The following ADD3 variants were observed in gnomAD, a reference collection of about 807,000 sequenced individuals.
ADD3 encodes the protein adducin 3.
ADD3 carries 25 observed loss-of-function variants against 80.2 expected under a neutral mutation model. The observed-to-expected ratio is 0.31, with a 90% CI of 0.23 to 0.44. The LOEUF (loss-of-function observed/expected upper bound fraction) is 0.44, where lower values mean the gene tolerates loss of function less well. Ranked by LOEUF, ADD3 falls within the 20% of genes least tolerant of loss-of-function variation. The probability of loss-of-function intolerance (pLI) is 1.00; values close to 1 mark genes in which losing one functional copy is unlikely to be tolerated. For synonymous variants in ADD3, 284 were observed against 289.6 expected (o/e 0.98, Z 0.20); for missense variants, 829 against 847.5 (o/e 0.98, Z 0.27).
chr10:110,128,517 C>T (rs545682595), intron 12 of ADD3, among the ~76,000 whole-genome samples: 21 of 152,020 alleles, frequency 1.4e-4, no homozygotes, highest in Non-Finnish European at 2.4e-4. Context: ...CCTGGGTGCA[C>T]GCCATTCTCT....
chr10:109,999,642 TGTA>T (rs1167253564), intron 1 of ADD3, among the ~76,000 whole-genome samples: 1 of 152,228 alleles, frequency 6.6e-6, no homozygotes, highest in African/African-American at 2.4e-5. Flanking sequence ...CATGATTAAA[TGTA>T]GTATAAACTT....
intron 1 of ADD3, among the ~76,000 whole-genome samples, chr10:110,013,168 C>A (rs1199928292): frequency 1.3e-5 from 2 of 152,042 alleles, no homozygotes; most frequent in Non-Finnish European, 2.9e-5. Flanking sequence ...AGTGGTGTGA[C>A]CTCGGCACAC....
intron 1 of ADD3, among the ~76,000 whole-genome samples, chr10:110,099,380 A>G (rs528206973): frequency 4.0e-4 from 61 of 152,290 alleles, no homozygotes; most frequent in Non-Finnish European, 7.8e-4. Context: ...TTCATTCTCA[A>G]TTAACATTTC....
At chr10:109,998,888 C>T (rs917825543) in intron 1 of ADD3, among the ~76,000 whole-genome samples, 2 of 151,688 alleles carry the variant, frequency 1.3e-5, no homozygotes, top group South Asian at 4.2e-4. Flanking sequence ...TTCTTCTTAG[C>T]CTTTAGCATC....
chr10:109,999,052 A>G (rs1161357717), intron 1 of ADD3, among the ~76,000 whole-genome samples: 2 of 152,202 alleles, frequency 1.3e-5, no homozygotes, highest in African/African-American at 4.8e-5. Flanking sequence ...CAGGAGTTCA[A>G]CAAATACTGT....
intron 1 of ADD3, among the ~76,000 whole-genome samples, chr10:109,997,291 C>T (rs1851399593): frequency 1.3e-5 from 2 of 152,144 alleles, no homozygotes; most frequent in Non-Finnish European, 2.9e-5. Flanking sequence ...ATGGGGTCAG[C>T]CCCTATCTCA....
intron 8 of ADD3, among the ~76,000 whole-genome samples, chr10:110,120,882 A>G (rs1851409043): frequency 6.6e-6 from 1 of 152,148 alleles, no homozygotes; most frequent in African/African-American, 2.4e-5. Context: ...CAAACCTGAG[A>G]AAAACAAGCA....
intron 3 of ADD3, 99 bp from the exon 4 acceptor site, chr10:110,116,160 G>A: frequency 8.8e-7 from 1 of 1,131,326 alleles, no homozygotes. Context: ...TTATATACAA[G>A]GCTGGGATAC....
At chr10:110,047,823 A>G in intron 1 of ADD3, among the ~76,000 whole-genome samples, 1 of 152,224 alleles carries the variant, frequency 6.6e-6, no homozygotes, top group East Asian at 1.9e-4. Context: ...ATATCTTGGG[A>G]GTGTCTTCAG....
chr10:110,088,627 G>C (rs1366247989), intron 1 of ADD3, among the ~76,000 whole-genome samples: 2 of 152,172 alleles, frequency 1.3e-5, no homozygotes. Flanking sequence ...GTTGCCTACA[G>C]TTTTTGGATT....
intron 1 of ADD3, among the ~76,000 whole-genome samples, chr10:110,072,084 C>CG: frequency 6.6e-6 from 1 of 152,288 alleles, no homozygotes; most frequent in South Asian, 2.1e-4. Flanking sequence ...TATTTTTAGA[C>CG]GGAGTCTCTC....
chr10:110,075,985 G>A (rs1000843385), intron 1 of ADD3, among the ~76,000 whole-genome samples: 2 of 152,156 alleles, frequency 1.3e-5, no homozygotes, highest in African/African-American at 4.8e-5. Flanking sequence ...CTGAATTATT[G>A]TTCCAATGTG....
At chr10:110,103,317 T>G (rs568966629) in intron 2 of ADD3, among the ~76,000 whole-genome samples, 1 of 152,310 alleles carries the variant, frequency 6.6e-6, no homozygotes, top group Admixed American at 6.5e-5. Context: ...GGGTCAGAAG[T>G]TTAGGAGCAG....
intron 1 of ADD3, among the ~76,000 whole-genome samples, chr10:110,088,953 A>G (rs890457163): frequency 2.6e-5 from 4 of 152,150 alleles, no homozygotes; most frequent in Admixed American, 6.6e-5. Flanking sequence ...GACTCAGCTC[A>G]TTTTTAATAA....
chr10:110,072,498 T>C (rs1050690404), intron 1 of ADD3, among the ~76,000 whole-genome samples: 1 of 152,176 alleles, frequency 6.6e-6, no homozygotes, highest in African/African-American at 2.4e-5. Flanking sequence ...GAGTGCTATG[T>C]TGGAAGTAAG....
At chr10:110,087,833 A>G (rs1185582997) in intron 1 of ADD3, among the ~76,000 whole-genome samples, 1 of 152,192 alleles carries the variant, frequency 6.6e-6, no homozygotes, top group Non-Finnish European at 1.5e-5. Context: ...AAGTACTGCA[A>G]TCCCGGTGGC....
At chr10:110,115,822 A>C (rs1405791802) in intron 3 of ADD3, among the ~76,000 whole-genome samples, 1 of 152,206 alleles carries the variant, frequency 6.6e-6, no homozygotes, top group Admixed American at 6.5e-5. Flanking sequence ...TCATACTACT[A>C]TTTGCATGCA....
intron 1 of ADD3, among the ~76,000 whole-genome samples, chr10:110,019,932 T>G (rs530163267): frequency 6.6e-6 from 1 of 152,312 alleles, no homozygotes; most frequent in Non-Finnish European, 1.5e-5. Flanking sequence ...CTCCCAGAGT[T>G]TGTTGTCAGC....
At chr10:110,082,133 G>A (rs1846130961) in intron 1 of ADD3, among the ~76,000 whole-genome samples, 1 of 152,104 alleles carries the variant, frequency 6.6e-6, no homozygotes, top group Non-Finnish European at 1.5e-5. Flanking sequence ...GTTTTTCAAT[G>A]TATTATCTTG....
Sources: gnomAD v4.1 joint callset for allele counts (sites outside exome capture counted in the v4.1 genomes callset) on GRCh38, gnomAD v4.1.1 for gene constraint, MANE v1.5 for transcripts, NCBI Gene and HGNC (gene_info 2026-07-23, HGNC 2026-07-21) for gene names.